HSPA12A: variants seen among roughly 807,000 people sequenced by gnomAD.
The protein encoded by HSPA12A is heat shock 70 kDa protein 12A.
HSPA12A carries 28 observed loss-of-function variants against 69.2 expected under a neutral mutation model. That is an observed-to-expected ratio of 0.40 (90% CI 0.30 to 0.55). HSPA12A has a LOEUF of 0.55. Among genes scored for constraint, HSPA12A ranks in the 20% least tolerant of loss-of-function variants. The pLI is 0.38. For missense variants in HSPA12A, 686 were observed against 900.7 expected (o/e 0.76, Z 3.05); for synonymous variants, 345 against 370.5 (o/e 0.93, Z 0.79).
chr10:116,737,929 C>G (rs1277816146), intron 1 of HSPA12A, among the ~76,000 whole-genome samples: 3 of 152,244 alleles, frequency 2.0e-5, no homozygotes, highest in Non-Finnish European at 4.4e-5. Flanking sequence ...TGGTCGTCTC[C>G]TCGCTGGCCC....
chr10:116,797,512 G>T (rs928355538), intron 2 of HSPA12A, among the ~76,000 whole-genome samples: 11 of 152,196 alleles, frequency 7.2e-5, no homozygotes, highest in African/African-American at 9.7e-5. Context: ...GAGTGTGTGT[G>T]TTGGCTCAGG....
chr10:116,761,807 G>A (rs1554889303), intron 2 of HSPA12A, among the ~76,000 whole-genome samples: 1 of 152,102 alleles, frequency 6.6e-6, no homozygotes, highest in African/African-American at 2.4e-5. Flanking sequence ...GATGCTAGAG[G>A]TGGCTATCAG....
At chr10:116,713,992 T>TTGGA (rs1175901639) in intron 1 of HSPA12A, among the ~76,000 whole-genome samples, 15 of 151,382 alleles carry the variant, frequency 9.9e-5, no homozygotes, top group African/African-American at 1.2e-4. Flanking sequence ...GCACTCAATG[T>TTGGA]TGGATGGATG....
chr10:116,745,017 A>T (rs1851617364), upstream of HSPA12A, among the ~76,000 whole-genome samples: 1 of 152,056 alleles, frequency 6.6e-6, no homozygotes, highest in South Asian at 2.1e-4. Flanking sequence ...TTCCCCCCAA[A>T]GCCCAAACAC....
At chr10:116,692,605 A>C (rs1271080723) in intron 5 of HSPA12A, 138 bp from the exon 6 acceptor site, 1 of 673,116 alleles carries the variant, frequency 1.5e-6, no homozygotes, top group Admixed American at 2.3e-5. Context: ...ACTTACCAGC[A>C]TCAGAGAGCA....
intron 2 of HSPA12A, among the ~76,000 whole-genome samples, chr10:116,775,465 A>T (rs782582217): frequency 6.6e-6 from 1 of 152,118 alleles, no homozygotes; most frequent in East Asian, 1.9e-4. Context: ...GAAATGGCCA[A>T]TGTATTTTCT....
In HSPA12A at chr10:116,741,942, A is replaced by G. The variant is rs566908690; in HGVS notation, c.40+488T>C. 4.1e-4 allele frequency among the ~76,000 whole-genome samples: 62 copies of G among 152,212 alleles called. 2 individuals are homozygous for G. The East Asian group carries it at 9.7e-3, about 24-fold the overall frequency. On this transcript the variant is annotated intron_variant, in intron 1 of 11. Coordinates refer to ENST00000369209, the MANE Select transcript of HSPA12A (RefSeq NM_025015.3). ...GGCCGGGGTGGGATGGGGCGAGGGAACAGGTCCAAATCTCCGATTTCCCCC... is the reference window on the plus strand; with the variant it reads ...GGCCGGGGTGGGATGGGGCGAGGGAGCAGGTCCAAATCTCCGATTTCCCCC...
intron 2 of HSPA12A, among the ~76,000 whole-genome samples, chr10:116,771,002 G>T (rs1844192718): frequency 6.6e-6 from 1 of 151,172 alleles, no homozygotes; most frequent in South Asian, 2.1e-4. Flanking sequence ...TGGGGCTGTG[G>T]GCTGTGTGTG....
chr10:116,849,387 G>A (rs1205779605), intron 1 of HSPA12A: 4 of 772,522 alleles, frequency 5.2e-6, no homozygotes, highest in Non-Finnish European at 7.3e-6. Context: ...AAAAGACAGA[G>A]CAGCGAGCGC....
intron 2 of HSPA12A, among the ~76,000 whole-genome samples, chr10:116,795,201 T>C (rs1297843242): frequency 6.6e-6 from 1 of 152,158 alleles, no homozygotes; most frequent in Non-Finnish European, 1.5e-5. Flanking sequence ...GAAAGGTCCC[T>C]TCCATTCCCA....
intron 2 of HSPA12A, among the ~76,000 whole-genome samples, chr10:116,790,777 G>A (rs1844686886): frequency 6.6e-6 from 1 of 152,030 alleles, no homozygotes; most frequent in Non-Finnish European, 1.5e-5. Context: ...TGCAACCTTT[G>A]CCTCCCAGGT....
intron 5 of HSPA12A, among the ~76,000 whole-genome samples, chr10:116,694,509 G>A (rs1554880505): frequency 6.6e-6 from 1 of 152,124 alleles, no homozygotes; most frequent in African/African-American, 2.4e-5. Context: ...CACCCACATG[G>A]CCACTTGACC....
At chr10:116,835,046 G>T in intron 1 of HSPA12A, 1 of 1,214,848 alleles carries the variant, frequency 8.2e-7, no homozygotes, top group Non-Finnish European at 1.0e-6. Context: ...GAAAAGAGTT[G>T]CACTGTGAAA....
intron 1 of HSPA12A, among the ~76,000 whole-genome samples, chr10:116,732,160 G>A (rs1038036617): frequency 1.3e-5 from 2 of 151,808 alleles, no homozygotes; most frequent in Non-Finnish European, 2.9e-5. Flanking sequence ...ATGAAACGCC[G>A]TCTCTACTAA....
chr10:116,777,400 C>T lies in HSPA12A; in HGVS notation c.91+57535G>A, dbSNP rs527696018. Reference sequence around the variant, plus strand: ...ATTCTGCAGTTTTCAAACATTAGTCCTCAGGTGGACGGAGCCACAGAGCAG... The same window carrying T: ...ATTCTGCAGTTTTCAAACATTAGTCTTCAGGTGGACGGAGCCACAGAGCAG... On this transcript the variant is annotated intron_variant, in intron 2 of 12. Coordinates refer to the HSPA12A transcript ENST00000635765. Among the ~76,000 whole-genome samples, 14 of 152,330 alleles carry T rather than the reference C, an allele frequency of 9.2e-5. No individual in the cohort carries two copies. The South Asian group carries it at 2.7e-3, about 29-fold the overall frequency.
intron 2 of HSPA12A, among the ~76,000 whole-genome samples, chr10:116,775,144 C>T (rs1490416989): frequency 3.9e-5 from 6 of 152,244 alleles, no homozygotes; most frequent in Admixed American, 1.3e-4. Flanking sequence ...CAATTGCTGC[C>T]ATTTACCAAG....
chr10:116,831,505 C>T (rs1402755303), intron 2 of HSPA12A: 1 of 152,144 alleles, frequency 6.6e-6, no homozygotes, highest in African/African-American at 2.4e-5. Flanking sequence ...AAGCCAGAGC[C>T]AGATCTCGAA....
intron 1 of HSPA12A, among the ~76,000 whole-genome samples, chr10:116,712,696 T>C (rs1554883254): frequency 6.6e-6 from 1 of 152,074 alleles, no homozygotes; most frequent in African/African-American, 2.4e-5. Context: ...AAGTCATTAG[T>C]CAGCAAATGG....
chr10:116,703,877 GAT>G (rs1379314959), intron 3 of HSPA12A, among the ~76,000 whole-genome samples: 1 of 152,230 alleles, frequency 6.6e-6, no homozygotes, highest in Non-Finnish European at 1.5e-5. Context: ...ACTTGGCTGA[GAT>G]TCCCCTCATG....
Sources: allele counts gnomAD v4.1 joint callset (sites outside exome capture counted in the v4.1 genomes callset), GRCh38; gene constraint gnomAD v4.1.1; transcripts MANE v1.5; gene names NCBI Gene and HGNC (gene_info 2026-07-23, HGNC 2026-07-21).